GPC5: variants seen among roughly 807,000 people sequenced by gnomAD.
GPC5 encodes the protein glypican 5, also known as glypican-5.
A neutral mutation model predicts 53.9 loss-of-function variants in GPC5; 47 were observed. The observed-to-expected ratio is 0.87, with a 90% CI of 0.69 to 1.11. The LOEUF (loss-of-function observed/expected upper bound fraction) is 1.11, where lower values mean the gene tolerates loss of function less well. Ranked by LOEUF, GPC5 falls within the 50% of genes most tolerant of loss-of-function variation. GPC5 has a pLI of 0.00. For synonymous variants in GPC5, 286 were observed against 263.3 expected, an observed-to-expected ratio of 1.09 and a Z score of -0.84; for missense variants, 748 against 713.1, an observed-to-expected ratio of 1.05 and a Z score of -0.56.
intron 4 of GPC5, among the ~76,000 whole-genome samples, chr13:91,734,615 A>C (rs1381885145): frequency 6.6e-6 from 1 of 151,480 alleles, no homozygotes; most frequent in African/African-American, 2.5e-5. Context: ...TATATTACAT[A>C]GTGGTTTTAC....
intron 5 of GPC5, among the ~76,000 whole-genome samples, chr13:91,852,885 C>A (rs1364750533): frequency 6.6e-6 from 1 of 152,060 alleles, no homozygotes; most frequent in Non-Finnish European, 1.5e-5. Flanking sequence ...AGCTTCATTT[C>A]AGATATTTTC....
At chr13:92,713,585 A>G (rs7327896) in intron 7 of GPC5, among the ~76,000 whole-genome samples, 80,463 of 147,738 alleles carry the variant, frequency 0.54, 22,797 homozygotes, top group East Asian at 0.83. Flanking sequence ...TCCAGCTTGG[A>G]CGACAGAGCG....
intron 6 of GPC5, among the ~76,000 whole-genome samples, chr13:92,101,515 T>C (rs2041467044): frequency 6.6e-6 from 1 of 152,212 alleles, no homozygotes; most frequent in African/African-American, 2.4e-5. Flanking sequence ...TCCAGGGCTA[T>C]CCCTGGCTAT....
chr13:92,374,533 A>G (rs2043676972), intron 7 of GPC5, among the ~76,000 whole-genome samples: 1 of 152,042 alleles, frequency 6.6e-6, no homozygotes, highest in Non-Finnish European at 1.5e-5. Context: ...ATAAAAAATG[A>G]TGAGTTCATG....
chr13:92,201,007 A>G (rs1448944370), intron 7 of GPC5, among the ~76,000 whole-genome samples: 1 of 150,360 alleles, frequency 6.7e-6, no homozygotes, highest in African/African-American at 2.5e-5. Context: ...ACACACACAC[A>G]CACGCACACA....
chr13:92,376,738 G>A (rs891115688), intron 7 of GPC5, among the ~76,000 whole-genome samples: 2 of 151,996 alleles, frequency 1.3e-5, no homozygotes, highest in African/African-American at 4.8e-5. Flanking sequence ...TGACTGGGCT[G>A]GGCGCAGTGG....
At chr13:92,174,538 G>GAA (rs545251875) in intron 7 of GPC5, among the ~76,000 whole-genome samples, 47 of 113,580 alleles carry the variant, frequency 4.1e-4, no homozygotes, top group East Asian at 1.1e-3. Flanking sequence ...CCAACTCAAA[G>GAA]AAAAAAAAAA....
chr13:92,228,873 C>A (rs1192707029), intron 7 of GPC5, among the ~76,000 whole-genome samples: 1 of 151,994 alleles, frequency 6.6e-6, no homozygotes, highest in Non-Finnish European at 1.5e-5. Context: ...GGGAAGGTAA[C>A]AAAGGTTTAG....
intron 6 of GPC5, among the ~76,000 whole-genome samples, chr13:92,059,428 C>CCTT (rs1362256472): frequency 6.6e-6 from 1 of 151,888 alleles, no homozygotes; most frequent in Non-Finnish European, 1.5e-5. Flanking sequence ...ATCCTGCTGC[C>CCTT]CAAAGGCAAC....
chr13:92,138,757 G>C (rs889989667), intron 6 of GPC5, among the ~76,000 whole-genome samples: 9 of 152,030 alleles, frequency 5.9e-5, no homozygotes, highest in Admixed American at 3.9e-4. Flanking sequence ...CCCGAGGATG[G>C]AGCCAACACA....
intron 7 of GPC5, among the ~76,000 whole-genome samples, chr13:92,390,025 C>T (rs1224695168): frequency 6.6e-6 from 1 of 152,052 alleles, no homozygotes; most frequent in Non-Finnish European, 1.5e-5. Flanking sequence ...ATAATCTTAT[C>T]ACCATTTTAT....
chr13:92,732,689 T>C (rs1312705764), intron 7 of GPC5, among the ~76,000 whole-genome samples: 2 of 151,712 alleles, frequency 1.3e-5, no homozygotes, highest in Non-Finnish European at 1.5e-5. Context: ...ATTCACATCT[T>C]AAGGAATGAA....
At chr13:92,444,646 G>T (rs1050159246) in intron 7 of GPC5, among the ~76,000 whole-genome samples, 1 of 146,782 alleles carries the variant, frequency 6.8e-6, no homozygotes, top group African/African-American at 2.5e-5. Flanking sequence ...AAACCTAGGA[G>T]AGTAATAATA....
chr13:91,421,153 A>G (rs1045840830), intron 1 of GPC5, among the ~76,000 whole-genome samples: 1 of 152,220 alleles, frequency 6.6e-6, no homozygotes, highest in African/African-American at 2.4e-5. Context: ...AGGTGAACTG[A>G]TAAACACTTC....
chr13:91,714,938 T>C (rs2036304733), intron 3 of GPC5, among the ~76,000 whole-genome samples: 1 of 152,246 alleles, frequency 6.6e-6, no homozygotes, highest in Admixed American at 6.5e-5. Flanking sequence ...TGCAGCTCTG[T>C]GACTGCTCCT....
intron 5 of GPC5, among the ~76,000 whole-genome samples, chr13:91,897,058 T>C (rs2039449895): frequency 6.6e-6 from 1 of 152,106 alleles, no homozygotes. Flanking sequence ...CCCCTCCTCC[T>C]CCTTTTTCAT....
intron 7 of GPC5, among the ~76,000 whole-genome samples, chr13:92,541,174 C>T (rs758890056): frequency 6.6e-6 from 1 of 151,626 alleles, no homozygotes; most frequent in Non-Finnish European, 1.5e-5. Context: ...CTTTTAGTAA[C>T]CACAAGCGTA....
intron 2 of GPC5, among the ~76,000 whole-genome samples, chr13:91,579,536 G>A (rs932308033): frequency 4.6e-5 from 7 of 151,678 alleles, no homozygotes; most frequent in African/African-American, 1.7e-4. Flanking sequence ...GCCTCTACCT[G>A]CTCTACTTGT....
rs1384861889 is a variant in GPC5, at chr13:91,572,181, G to A, written c.326-121006G>A. The stretch of plus-strand genomic sequence containing the variant: ...TATACACACACATATGTATATATAC[G>A]TGTGTATACACACACATATGTATAT... On this transcript the variant is annotated intron_variant, in intron 2 of 7. Transcript: ENST00000377067. Among the ~76,000 whole-genome samples the A allele has an allele frequency of 3.2e-4, 10 of 31,374 alleles. 1 individual carries two copies. The highest frequency in any genetic ancestry group is 1.4e-3 in the Admixed American group (4 of 2,864). The allele number at this position is 31,374 out of a possible 152,430, so 20.6% of individuals were successfully genotyped here.
Sources: allele counts gnomAD v4.1 joint callset (sites outside exome capture counted in the v4.1 genomes callset), GRCh38; gene constraint gnomAD v4.1.1; transcripts MANE v1.5; gene names NCBI Gene and HGNC (gene_info 2026-07-23, HGNC 2026-07-21).